DIS3L2: variants seen among roughly 807,000 people sequenced by gnomAD.
DIS3L2 encodes the protein DIS3 like 3'-5' exoribonuclease 2.
DIS3L2 carries 34 observed loss-of-function variants against 97.5 expected under a neutral mutation model. The observed-to-expected ratio is 0.35, with a 90% CI of 0.27 to 0.46. DIS3L2 has a LOEUF of 0.46. Ranked by LOEUF, DIS3L2 falls within the 20% of genes least tolerant of loss-of-function variation. The pLI is 1.00. For missense variants in DIS3L2, 1,038 were observed against 1,146.0 expected, an observed-to-expected ratio of 0.91 and a Z score of 1.36; for synonymous variants, 435 against 445.2, an observed-to-expected ratio of 0.98 and a Z score of 0.29.
chr2:232,316,285 C>T (rs530539246), intron 14 of DIS3L2, among the ~76,000 whole-genome samples: 109 of 152,238 alleles, frequency 7.2e-4, no homozygotes, highest in Non-Finnish European at 1.3e-3. Flanking sequence ...TTCTTCCAGG[C>T]GCCAAAACCT....
chr2:232,025,873 T>C lies in DIS3L2; in HGVS notation c.264+1543T>C, dbSNP rs543622498. Among the ~76,000 whole-genome samples, 16 of 152,286 alleles carry C rather than the reference T, an allele frequency of 1.1e-4. No individual in the cohort carries two copies. In the South Asian group the frequency reaches 3.3e-3, roughly 32 times the overall value. The stretch of plus-strand genomic sequence containing the variant: ...GACTGTTTCTTCAAGAATATACCAG[T>C]TGAAGGAACTTGATTGTATTAGGAG... On this transcript the variant is annotated intron_variant, in intron 4 of 20. Transcript: ENST00000325385.
At chr2:232,111,431 C>G (rs1361176883) in intron 6 of DIS3L2, among the ~76,000 whole-genome samples, 1 of 152,058 alleles carries the variant, frequency 6.6e-6, no homozygotes, top group African/African-American at 2.4e-5. Flanking sequence ...TCCCCAGATT[C>G]CTTGTACTTT....
intron 5 of DIS3L2, 72 bp downstream of exon 5, chr2:232,030,152 C>T: frequency 7.5e-7 from 1 of 1,339,674 alleles, no homozygotes; most frequent in Non-Finnish European, 1.1e-6. Context: ...ACCAACAAGG[C>T]ATCATAAACT....
chr2:232,203,363 C>T (rs1308830560), intron 9 of DIS3L2, among the ~76,000 whole-genome samples: 1 of 152,128 alleles, frequency 6.6e-6, no homozygotes, highest in Admixed American at 6.6e-5. Flanking sequence ...GTTTGTAAAA[C>T]ACTGTTTTAT....
chr2:231,994,637 T>C (rs982706131), intron 1 of DIS3L2, among the ~76,000 whole-genome samples: 4 of 152,118 alleles, frequency 2.6e-5, no homozygotes, highest in Admixed American at 6.6e-5. Flanking sequence ...AATTACCTAA[T>C]GTAATTTTAA....
chr2:232,126,322 C>T (rs1488168703), intron 6 of DIS3L2, among the ~76,000 whole-genome samples: 26 of 152,306 alleles, frequency 1.7e-4, no homozygotes, highest in East Asian at 1.9e-4. Context: ...GCATTAAATC[C>T]TAAAATATCA....
At chr2:232,295,959 T>C (rs766564938) in intron 13 of DIS3L2, among the ~76,000 whole-genome samples, 1 of 152,246 alleles carries the variant, frequency 6.6e-6, no homozygotes, top group South Asian at 2.1e-4. Context: ...TGTCCAGCTC[T>C]TAAATACAGG....
chr2:232,252,029 A>T (rs1693432099), intron 12 of DIS3L2, among the ~76,000 whole-genome samples: 1 of 152,242 alleles, frequency 6.6e-6, no homozygotes, highest in South Asian at 2.1e-4. Context: ...CACTTAGATC[A>T]GGGCTGGCAG....
Position 232,092,400 on chromosome 2 carries a change from G to A in DIS3L2, c.601+4679G>A, listed in dbSNP as rs187216694. 3.3e-3 allele frequency among the ~76,000 whole-genome samples: 495 copies of A among 151,942 alleles called. 2 individuals carry two copies. Among genetic ancestry groups the A allele is most frequent in the Admixed American group, 6.8e-3 (104 of 15,258 alleles). The stretch of plus-strand genomic sequence containing the variant: ...ATAGCTTTGACTATTTTGGATCTTT[G>A]TGGTGCTGCATAAATTTTAGGATTT... On this transcript the variant is annotated intron_variant, in intron 6 of 20. Coordinates refer to ENST00000325385, the MANE Select transcript of DIS3L2 (RefSeq NM_152383.5).
At chr2:232,142,427 A>C (rs1002640864) in intron 8 of DIS3L2, among the ~76,000 whole-genome samples, 10 of 152,118 alleles carry the variant, frequency 6.6e-5, no homozygotes, top group African/African-American at 2.4e-4. Context: ...ACTTCTTCCA[A>C]AGTCGCCATC....
intron 4 of DIS3L2, among the ~76,000 whole-genome samples, chr2:232,027,123 G>A (rs1694681437): frequency 6.6e-6 from 1 of 152,122 alleles, no homozygotes; most frequent in Non-Finnish European, 1.5e-5. Flanking sequence ...AGCAACTGAA[G>A]AGGGCAATAA....
chr2:232,088,408 A>G (rs2106310704), intron 6 of DIS3L2, among the ~76,000 whole-genome samples: 1 of 150,728 alleles, frequency 6.6e-6, no homozygotes, highest in Non-Finnish European at 1.5e-5. Flanking sequence ...AAAAAAAAAA[A>G]AAAAATAGCC....
intron 4 of DIS3L2, among the ~76,000 whole-genome samples, chr2:232,027,688 T>C (rs1443326666): frequency 6.6e-6 from 1 of 152,136 alleles, no homozygotes. Flanking sequence ...ATACTTTGTT[T>C]TAGGGGAACT....
intron 10 of DIS3L2, among the ~76,000 whole-genome samples, chr2:232,220,749 A>T (rs1009301522): frequency 6.6e-6 from 1 of 152,108 alleles, no homozygotes; most frequent in Non-Finnish European, 1.5e-5. Flanking sequence ...ATAAAAATCT[A>T]AGTATTCCTT....
chr2:232,304,664 G>T (rs999866946), intron 14 of DIS3L2, among the ~76,000 whole-genome samples: 1 of 152,160 alleles, frequency 6.6e-6, no homozygotes, highest in Non-Finnish European at 1.5e-5. Context: ...TATTCTTCCT[G>T]CCGTTAGCTG....
intron 10 of DIS3L2, among the ~76,000 whole-genome samples, chr2:232,211,997 T>A (rs1397637628): frequency 1.3e-5 from 2 of 152,218 alleles, no homozygotes; most frequent in Admixed American, 6.5e-5. Flanking sequence ...ACTATGGGAT[T>A]ACAAGCACGA....
rs886055780 is a variant in DIS3L2 at position 232,337,179 on chromosome 2, G to GAATT, written c.*551_*554dup. ...GTCTCATTCTGCCTGATTAAAAATGGAATTAGTATGCAACACTGAGAGCGC... is the reference window on the plus strand; with the variant it reads ...GTCTCATTCTGCCTGATTAAAAATGGAATTAATTAGTATGCAACACTGAGAGCGC... On this transcript the variant is annotated 3_prime_UTR_variant, in exon 21 of 21. Transcript: ENST00000325385. The GAATT allele has an allele frequency of 8.0e-6, 8 of 995,936 alleles. No individual in the cohort carries two copies. Among genetic ancestry groups the GAATT allele is most frequent in the East Asian group, 2.3e-4 (2 of 8,884 alleles). The allele number at this position is 995,936 out of a possible 1,614,324, so 61.7% of individuals were successfully genotyped here.
intron 8 of DIS3L2, among the ~76,000 whole-genome samples, chr2:232,158,052 C>A (rs1690545867): frequency 1.3e-5 from 2 of 152,120 alleles, no homozygotes; most frequent in South Asian, 4.1e-4. Flanking sequence ...CTTTCAGGTC[C>A]CTATCCATCT....
intron 14 of DIS3L2, 28 bp from the exon 15 acceptor site, chr2:232,329,785 T>TCCCCGGGGGGCGC: frequency 1.0e-6 from 1 of 967,142 alleles, no homozygotes; most frequent in East Asian, 3.1e-5. Context: ...ACCCCAGCGG[T>TCCCCGGGGGGCGC]CCCTCCCATC....
Sources: allele counts gnomAD v4.1 joint callset (sites outside exome capture counted in the v4.1 genomes callset), GRCh38; gene constraint gnomAD v4.1.1; transcripts MANE v1.5; gene names NCBI Gene and HGNC (gene_info 2026-07-23, HGNC 2026-07-21).